PCDHGA8: variants seen among roughly 807,000 people sequenced by gnomAD.
The protein encoded by PCDHGA8 is protocadherin gamma subfamily A, 8.
A neutral mutation model predicts 59.2 loss-of-function variants in PCDHGA8; 45 were observed. The ratio of observed to expected loss-of-function variants is 0.76; its 90% confidence interval spans 0.60 to 0.98. The LOEUF (loss-of-function observed/expected upper bound fraction) is 0.98, where lower values mean the gene tolerates loss of function less well. PCDHGA8 is among the 50% of genes least tolerant of loss of function. The probability of loss-of-function intolerance (pLI) is 0.00; values close to 1 mark genes in which losing one functional copy is unlikely to be tolerated. For missense variants in PCDHGA8, 1,257 were observed against 1,196.2 expected (o/e 1.05, Z -0.75); for synonymous variants, 531 against 519.0 (o/e 1.02, Z -0.32).
chr5:141,509,143 C>G (rs1022878562), intron 3 of PCDHGA8, among the ~76,000 whole-genome samples: 1 of 152,256 alleles, frequency 6.6e-6, no homozygotes, highest in African/African-American at 2.4e-5. Context: ...AGGCGCATCC[C>G]GGCTCTCCCC....
intron 1 of PCDHGA8, among the ~76,000 whole-genome samples, chr5:141,448,115 T>A (rs62379166): frequency 0.025 from 3,743 of 151,768 alleles, 65 homozygotes; most frequent in Middle Eastern, 0.086. Flanking sequence ...GAAAAGAAAA[T>A]TAGCCTCCCC....
chr5:141,491,823 C>T lies in PCDHGA8; in HGVS notation c.2425-2984C>T, dbSNP rs1242708273. On this transcript the variant is annotated intron_variant, in intron 1 of 3. Transcript: ENST00000398604. The surrounding 1 kb of genome is among the most constrained non-coding windows in gnomAD (Gnocchi z 6.9). ...GCCGGCTTGGTCGCTGGCTGCGCTC[C>T]ACCCGATTCTCGGGATCATTGGACC... The T allele has an allele frequency of 2.7e-6, 4 of 1,479,038 alleles. No homozygotes were observed. Among genetic ancestry groups the T allele is most frequent in the Non-Finnish European group, 3.6e-6 (4 of 1,115,300 alleles). 91.6% of individuals were successfully genotyped at this position (1,479,038 alleles called of 1,614,324 possible).
intron 1 of PCDHGA8, chr5:141,423,072 G>A: frequency 1.2e-6 from 2 of 1,614,120 alleles, no homozygotes; most frequent in Non-Finnish European, 1.7e-6. Flanking sequence ...CCAGCGAGCC[G>A]GGACTCTTCG....
chr5:141,511,215 A>G lies in PCDHGA8; in HGVS notation c.*42A>G, dbSNP rs1562250541. On this transcript the variant is annotated 3_prime_UTR_variant, in exon 4 of 4. Coordinates refer to ENST00000398604, the MANE Select transcript of PCDHGA8 (RefSeq NM_032088.2). ...AGAGCCACAGGGCGGCCTCTCCCCA[A>G]CCAGCCCAGCTTCTCCTTACCTGCA... The G allele has an allele frequency of 1.2e-6, 2 of 1,608,380 alleles. No individual in the cohort carries two copies. The highest frequency in any genetic ancestry group is 2.2e-5 in the East Asian group (1 of 44,560).
At position 141,512,280 on chromosome 5, in the gene PCDHGA8, TGGAAGGGTCAGC is replaced by T. The variant is rs1187119941; in HGVS notation, c.*1111_*1122del. The T allele has an allele frequency of 1.3e-5, 2 of 152,682 alleles. No individual in the cohort carries two copies. Among genetic ancestry groups the T allele is most frequent in the African/African-American group, 2.4e-5 (1 of 41,396 alleles). 9.5% of individuals were successfully genotyped at this position (152,682 alleles called of 1,614,324 possible). ...CTGGGTACTCCAGAGGTGCCACTGGTGGAAGGGTCAGCGGAGCCCCAGCAGGAAGGGTGGGCC... is the reference window on the plus strand; with the variant it reads ...CTGGGTACTCCAGAGGTGCCACTGGTGGAGCCCCAGCAGGAAGGGTGGGCC... On this transcript the variant is annotated 3_prime_UTR_variant, in exon 4 of 4. Transcript: ENST00000398604.
chr5:141,403,210 C>G (rs369033480), intron 1 of PCDHGA8: 1 of 1,613,946 alleles, frequency 6.2e-7, no homozygotes, highest in Admixed American at 1.7e-5. Flanking sequence ...CCTTGGTCAC[C>G]GCGGGTAGGA....
chr5:141,506,177 G>T (rs1024892091), intron 3 of PCDHGA8, among the ~76,000 whole-genome samples: 4 of 152,142 alleles, frequency 2.6e-5, no homozygotes, highest in African/African-American at 9.7e-5. Context: ...TAAGCTGGGC[G>T]TGGTGGCTCA....
chr5:141,494,607 C>T (rs2099755630), intron 1 of PCDHGA8, among the ~76,000 whole-genome samples, 200 bp from the exon 2 acceptor site: 2 of 152,092 alleles, frequency 1.3e-5, no homozygotes, highest in South Asian at 2.1e-4. Flanking sequence ...TGTGATTTAT[C>T]TCTTGGTTTC....
rs758515649 is a variant in PCDHGA8 at position 141,432,368 on chromosome 5, A to G, written c.2424+37131A>G. On this transcript the variant is annotated intron_variant, in intron 1 of 3. Coordinates refer to ENST00000398604, the MANE Select transcript of PCDHGA8 (RefSeq NM_032088.2). This position sits in a 1 kb window ranked among gnomAD's most constrained non-coding sequence, Gnocchi z 6.0. ...GCAAGTGAAAGTGATGGCGCGGGAC[A>G]ACGGGCACCCGCCCCTCAGCAGCAA... 1.2e-6 allele frequency: 2 copies of G among 1,614,110 alleles called. No homozygotes were observed. Among genetic ancestry groups the G allele is most frequent in the Non-Finnish European group, 1.7e-6 (2 of 1,180,054 alleles).
rs1263406836 is a variant in PCDHGA8 at position 141,491,918 on chromosome 5, G to A, written c.2425-2889G>A. On this transcript the variant is annotated intron_variant, in intron 1 of 3. Coordinates refer to ENST00000398604, the MANE Select transcript of PCDHGA8 (RefSeq NM_032088.2). The surrounding 1 kb of genome is among the most constrained non-coding windows in gnomAD (Gnocchi z 6.9). ...GCACCGGGGGTGGTGGCGACTGTGGGCGAGGGGAGGTGGGACCGACCCCCA... is the reference window on the plus strand; with the variant it reads ...GCACCGGGGGTGGTGGCGACTGTGGACGAGGGGAGGTGGGACCGACCCCCA... 2 of 1,371,698 alleles carry A rather than the reference G, an allele frequency of 1.5e-6. No homozygotes were observed. Among genetic ancestry groups the A allele is most frequent in the Non-Finnish European group, 1.9e-6 (2 of 1,028,962 alleles). 85.0% of individuals were successfully genotyped at this position (1,371,698 alleles called of 1,614,324 possible).
Position 141,432,599 on chromosome 5 carries a change from C to T in PCDHGA8, c.2424+37362C>T. 2.5e-6 allele frequency: 4 copies of T among 1,613,908 alleles called. No individual in the cohort carries two copies. The highest frequency in any genetic ancestry group is 2.7e-5 in the African/African-American group (2 of 75,052). On this transcript the variant is annotated intron_variant, in intron 1 of 3. Coordinates refer to ENST00000398604, the MANE Select transcript of PCDHGA8 (RefSeq NM_032088.2). The surrounding 1 kb of genome is among the most constrained non-coding windows in gnomAD (Gnocchi z 6.0). Reference sequence around the variant, plus strand: ...CTACCGTCTGCTCAAGGCCAGCGAGCCGGGACTCTTCTCGGTGGGTCTGCA... The same window carrying T: ...CTACCGTCTGCTCAAGGCCAGCGAGTCGGGACTCTTCTCGGTGGGTCTGCA...
Position 141,505,499 on chromosome 5 carries a change from G to T in PCDHGA8, c.2572+18G>T, listed in dbSNP as rs753203943. 4.3e-6 allele frequency: 7 copies of T among 1,614,172 alleles called. No individual in the cohort carries two copies. The South Asian group carries it at 7.7e-5, about 18-fold the overall frequency. ...CGCCAGTGGTAAGTGGTGTCAGTGTGTGTATGGAAGAGTGGGAGACCTGGG... is the reference window on the plus strand; with the variant it reads ...CGCCAGTGGTAAGTGGTGTCAGTGTTTGTATGGAAGAGTGGGAGACCTGGG... On this transcript the variant is annotated intron_variant, in intron 3 of 3. Coordinates refer to ENST00000398604, the MANE Select transcript of PCDHGA8 (RefSeq NM_032088.2).
Position 141,394,271 on chromosome 5 carries a change from G to C in PCDHGA8, c.1458G>C (p.Gln486His), listed in dbSNP as rs768847661. The stretch of plus-strand genomic sequence containing the variant: ...ACCCCGACAGCCAGGAGAATGCCCA[G>C]GTCACTTACTCTGTGACCGAGGACA... ...AHDPDSQENA[Q>H]VTYSVTEDTL... Residue 486 changes from glutamine to histidine, a missense_variant, in exon 1 of 4, where the codon CAG (glutamine) becomes CAC (histidine). Transcript: ENST00000398604. 9 of 1,613,862 alleles carry C rather than the reference G, an allele frequency of 5.6e-6. No individual in the cohort carries two copies. In the South Asian group the frequency reaches 9.9e-5, roughly 18 times the overall value.
chr5:141,430,715 A>G (rs1210053402), intron 1 of PCDHGA8: 3 of 1,483,264 alleles, frequency 2.0e-6, no homozygotes, highest in East Asian at 4.7e-5. Context: ...TCCTGACTTC[A>G]GTGGTTAAGG....
rs554119295 is a variant in PCDHGA8 at position 141,482,963 on chromosome 5, C to T, written c.2425-11844C>T. 1.7e-4 allele frequency among the ~76,000 whole-genome samples: 10 copies of T among 57,958 alleles called. No homozygotes were observed. In the South Asian group the frequency reaches 4.5e-3, roughly 26 times the overall value. 38.0% of individuals were successfully genotyped at this position (57,958 alleles called of 152,430 possible). On this transcript the variant is annotated intron_variant, in intron 1 of 3. Coordinates refer to ENST00000398604, the MANE Select transcript of PCDHGA8 (RefSeq NM_032088.2). The stretch of plus-strand genomic sequence containing the variant: ...TTGTGGGTGCCTGTAATTCCAGCTA[C>T]TTGAGCAGCTACTTGAGAGGTCGAG...
At chr5:141,463,581 T>TG (rs2099064477) in intron 1 of PCDHGA8, among the ~76,000 whole-genome samples, 1 of 151,502 alleles carries the variant, frequency 6.6e-6, no homozygotes, top group Non-Finnish European at 1.5e-5. Context: ...CCCGAGTAGC[T>TG]GGGACTACAG....
At chr5:141,508,732 C>A (rs1037039751) in intron 3 of PCDHGA8, among the ~76,000 whole-genome samples, 3 of 151,880 alleles carry the variant, frequency 2.0e-5, no homozygotes, top group Non-Finnish European at 4.4e-5. Flanking sequence ...GGAGACTACA[C>A]CCCCCACCCC....
At chr5:141,427,912 A>G in intron 1 of PCDHGA8, 1 of 1,577,806 alleles carries the variant, frequency 6.3e-7, no homozygotes, top group East Asian at 2.2e-5. Flanking sequence ...CTCAGCGCCA[A>G]CATGAGCCGG....
intron 1 of PCDHGA8, chr5:141,395,898 GC>G (rs1337402820): frequency 6.6e-6 from 1 of 151,994 alleles, no homozygotes; most frequent in Non-Finnish European, 1.5e-5. Context: ...TGGGCTCCAT[GC>G]CCATGGAGAC....
Sources: gnomAD v4.1 joint callset for allele counts (sites outside exome capture counted in the v4.1 genomes callset) on GRCh38, gnomAD v4.1.1 for gene constraint, Gnocchi (gnomAD v3.1) non-coding constraint, MANE v1.5 for transcripts, NCBI Gene and HGNC (gene_info 2026-07-23, HGNC 2026-07-21) for gene names.